Variants in CCDC93 observed in about 807,000 individuals in gnomAD.
CCDC93 encodes the protein CCC complex scaffolding subunit CCDC93.
Under a neutral mutation model 108.2 loss-of-function variants are expected in CCDC93, and 61 were observed. That is an observed-to-expected ratio of 0.56 (90% CI 0.46 to 0.70). The LOEUF (loss-of-function observed/expected upper bound fraction) is 0.70. CCDC93 is among the 30% of genes least tolerant of loss of function. CCDC93 has a pLI of 0.00. For missense variants in CCDC93, 685 were observed against 764.2 expected, an observed-to-expected ratio of 0.90 and a Z score of 1.22; for synonymous variants, 276 against 260.4, an observed-to-expected ratio of 1.06 and a Z score of -0.58.
chr2:118,002,258 T>C (rs1009238695), intron 3 of CCDC93, among the ~76,000 whole-genome samples: 1 of 152,202 alleles, frequency 6.6e-6, no homozygotes, highest in African/African-American at 2.4e-5. Flanking sequence ...TTTATCTTTC[T>C]GCAGTTCAAT....
At chr2:117,957,356 C>T (rs12617548) in intron 12 of CCDC93, among the ~76,000 whole-genome samples, 30,074 of 152,136 alleles carry the variant, frequency 0.2, 3,154 homozygotes, top group Middle Eastern at 0.3. Context: ...AAGGTCTTTC[C>T]AAAACAGTCT....
Position 118,006,740 on chromosome 2 carries a change from G to C in CCDC93, c.233C>G (p.Ser78Cys). ...VDVDLLFQEN[S>C]TIGQKIALSE... The stretch of plus-strand genomic sequence containing the variant: ...AACTTACATTTTTTGACCTATCGTA[G>C]AGTTTTCTTGAAAGAGCAAATCAAC... The change falls in exon 3 of 24, where the codon TCT (serine) becomes TGT (cysteine). Residue 78 changes from serine to cysteine, a missense_variant. Coordinates refer to ENST00000376300, the MANE Select transcript of CCDC93 (RefSeq NM_019044.5). The C allele has an allele frequency of 6.2e-7, 1 of 1,609,258 alleles. No homozygotes were observed. Among genetic ancestry groups the C allele is most frequent in the Admixed American group, 1.7e-5 (1 of 60,004 alleles).
intron 23 of CCDC93, among the ~76,000 whole-genome samples, chr2:117,929,001 A>G (rs1399108111): frequency 6.6e-6 from 1 of 151,992 alleles, no homozygotes; most frequent in African/African-American, 2.4e-5. Flanking sequence ...TCAGCAAACT[A>G]TTGCAAGGAC....
chr2:118,008,727 T>C, intron 1 of CCDC93, 69 bp from the exon 2 acceptor site: 4 of 922,298 alleles, frequency 4.3e-6, no homozygotes, highest in Non-Finnish European at 5.3e-6. Flanking sequence ...GTATATCCCC[T>C]GATGCCACAA....
chr2:117,975,399 T>C (rs6722547), intron 8 of CCDC93, 119 bp from the exon 9 acceptor site: 707,333 of 714,096 alleles, frequency 0.99, 350,652 homozygotes, highest in East Asian at 1. Context: ...AGCAGCAGCA[T>C]CCTGAGAGAG....
chr2:117,991,847 ATAAT>A, intron 6 of CCDC93, among the ~76,000 whole-genome samples: 1 of 152,350 alleles, frequency 6.6e-6, no homozygotes, highest in East Asian at 1.9e-4. Context: ...GAGCATGACA[ATAAT>A]TAAAGTTTTG....
chr2:117,974,190 C>T (rs1679857003), intron 10 of CCDC93, among the ~76,000 whole-genome samples, 196 bp from the exon 11 acceptor site: 1 of 152,174 alleles, frequency 6.6e-6, no homozygotes, highest in African/African-American at 2.4e-5. Flanking sequence ...CAGCTACCTC[C>T]TGAGTCACTG....
intron 1 of CCDC93, among the ~76,000 whole-genome samples, chr2:118,009,444 G>A (rs1046357586): frequency 3.3e-5 from 5 of 152,010 alleles, no homozygotes; most frequent in African/African-American, 1.2e-4. Context: ...AAGTGGGGGT[G>A]CCGATCACTT....
chr2:117,941,349 T>C lies in CCDC93; in HGVS notation c.1414-52A>G. 3 of 1,474,470 alleles carry C rather than the reference T, an allele frequency of 2.0e-6. No individual in the cohort carries two copies. In the South Asian group the frequency reaches 3.4e-5, roughly 17 times the overall value. The allele number at this position is 1,474,470 out of a possible 1,614,324, so 91.3% of individuals were successfully genotyped here. A position where few individuals can be genotyped will look rare whatever the true frequency, so the allele number is the denominator to read the frequency against. The stretch of plus-strand genomic sequence containing the variant: ...GTACTATTTGGTAAAAGGCCTTACA[T>C]GTTCTCTAGGGAGCCAAAATATTGC... On this transcript the variant is annotated intron_variant, in intron 18 of 23. Coordinates refer to ENST00000376300, the MANE Select transcript of CCDC93 (RefSeq NM_019044.5).
chr2:117,967,795 C>A (rs1679636317), intron 11 of CCDC93, among the ~76,000 whole-genome samples: 1 of 152,168 alleles, frequency 6.6e-6, no homozygotes, highest in Non-Finnish European at 1.5e-5. Context: ...GCGAGACTCT[C>A]AGATTACAAA....
intron 13 of CCDC93, chr2:117,950,400 G>T (rs1352553513): frequency 1.0e-6 from 1 of 985,266 alleles, no homozygotes; most frequent in East Asian, 1.1e-4. Flanking sequence ...TTAGAGTTGT[G>T]ACTGCTGAAG....
At chr2:117,944,718 C>T (rs1352384354) in intron 17 of CCDC93, 2 of 471,012 alleles carry the variant, frequency 4.2e-6, no homozygotes, top group African/African-American at 4.0e-5. Flanking sequence ...AAACACACCC[C>T]CCTACCCAAC....
intron 7 of CCDC93, among the ~76,000 whole-genome samples, chr2:117,982,794 T>C (rs1291085621): frequency 6.6e-6 from 1 of 150,716 alleles, no homozygotes; most frequent in Admixed American, 6.6e-5. Flanking sequence ...AATGCCGCAA[T>C]GTTAAAGGGA....
chr2:118,008,754 T>C (rs1676943107), intron 1 of CCDC93, 96 bp from the exon 2 acceptor site: 6 of 726,902 alleles, frequency 8.3e-6, no homozygotes, highest in Middle Eastern at 2.4e-4. Context: ...TGCCAAGGAG[T>C]AGATGACATT....
chr2:117,990,918 G>C, intron 6 of CCDC93, among the ~76,000 whole-genome samples: 1 of 151,606 alleles, frequency 6.6e-6, no homozygotes, highest in Non-Finnish European at 1.5e-5. Context: ...TGGTATCATG[G>C]GTGATTTAGT....
In CCDC93 at chr2:117,977,989, C is replaced by CTTACCT. The variant is rs1436066221; in HGVS notation, c.656_657+4dup. On this transcript the variant is annotated splice_donor_region_variant and intron_variant, in intron 8 of 23. Transcript: ENST00000376300. ...ATTCTCTCTTACTATCAATGTTTTT[C>CTTACCT]TTACCTTCTCCATTTTGCTCTGGCG... The CTTACCT allele has an allele frequency of 1.2e-6, 2 of 1,613,584 alleles. No homozygotes were observed.
chr2:117,938,329 A>G (rs975700461), intron 20 of CCDC93, among the ~76,000 whole-genome samples: 1 of 152,178 alleles, frequency 6.6e-6, no homozygotes, highest in Non-Finnish European at 1.5e-5. Flanking sequence ...AAATTAAGAC[A>G]TATCTGCATA....
intron 2 of CCDC93, among the ~76,000 whole-genome samples, chr2:118,007,250 T>C (rs1676898604): frequency 6.6e-6 from 1 of 152,260 alleles, no homozygotes; most frequent in South Asian, 2.1e-4. Context: ...ACATCTTATT[T>C]TTCTTATCTA....
intron 10 of CCDC93, 87 bp downstream of exon 10, chr2:117,974,763 G>A (rs931583685): frequency 2.7e-5 from 26 of 963,176 alleles, no homozygotes; most frequent in South Asian, 8.5e-5. Context: ...AGGCAGCTCC[G>A]GAGAAGGTGG....
Sources: gnomAD v4.1 joint callset for allele counts (sites outside exome capture counted in the v4.1 genomes callset) on GRCh38, gnomAD v4.1.1 for gene constraint, MANE v1.5 for transcripts, NCBI Gene and HGNC (gene_info 2026-07-23, HGNC 2026-07-21) for gene names.